Variants in NRG3 observed in about 807,000 individuals in gnomAD.
NRG3 encodes the protein pro-neuregulin-3, membrane-bound isoform.
Under a neutral mutation model 66.9 loss-of-function variants are expected in NRG3, and 31 were observed. That is an observed-to-expected ratio of 0.46 (90% confidence interval 0.35 to 0.63). The LOEUF is 0.63. Ranked by LOEUF, NRG3 falls within the 20% of genes least tolerant of loss-of-function variation. The pLI is 0.00. For synonymous variants in NRG3, 393 were observed against 359.4 expected, an observed-to-expected ratio of 1.09 and a Z score of -1.06; for missense variants, 910 against 878.9, an observed-to-expected ratio of 1.04 and a Z score of -0.45.
intron 1 of NRG3, among the ~76,000 whole-genome samples, chr10:82,007,826 TATC>T (rs1227372663): frequency 3.3e-5 from 5 of 152,204 alleles, no homozygotes; most frequent in African/African-American, 1.2e-4. Flanking sequence ...TTTCACCTGT[TATC>T]GTGAATGACA....
intron 2 of NRG3, among the ~76,000 whole-genome samples, chr10:82,587,803 C>A (rs2046759967): frequency 6.6e-6 from 1 of 152,096 alleles, no homozygotes; most frequent in Non-Finnish European, 1.5e-5. Flanking sequence ...TGGAAGCTGG[C>A]AGCAATACAT....
At chr10:82,878,296 T>G (rs1056297332) in intron 4 of NRG3, among the ~76,000 whole-genome samples, 1 of 152,266 alleles carries the variant, frequency 6.6e-6, no homozygotes, top group African/African-American at 2.4e-5. Flanking sequence ...AAGTATAATC[T>G]TATCTCTTGT....
intron 2 of NRG3, among the ~76,000 whole-genome samples, chr10:82,376,929 T>A (rs932681680): frequency 1.3e-5 from 2 of 152,222 alleles, no homozygotes; most frequent in Non-Finnish European, 2.9e-5. Context: ...ACTGCTTCTT[T>A]GGAATTGAAT....
chr10:82,044,427 T>C (rs922528911), intron 1 of NRG3, among the ~76,000 whole-genome samples: 1 of 151,608 alleles, frequency 6.6e-6, no homozygotes, highest in Non-Finnish European at 1.5e-5. Context: ...AACATGCACA[T>C]CTAAGGGATG....
At chr10:82,358,035 A>G (rs2083892484) in intron 1 of NRG3, among the ~76,000 whole-genome samples, 1 of 152,182 alleles carries the variant, frequency 6.6e-6, no homozygotes, top group African/African-American at 2.4e-5. Context: ...ATTTATTGTT[A>G]TTCTCATATT....
intron 1 of NRG3, among the ~76,000 whole-genome samples, chr10:82,152,518 T>C (rs1393193313): frequency 6.6e-6 from 1 of 152,104 alleles, no homozygotes; most frequent in African/African-American, 2.4e-5. Context: ...TTTCTTTTTT[T>C]TTGAAATGTG....
intron 2 of NRG3, among the ~76,000 whole-genome samples, chr10:82,608,095 A>T (rs1487974245): frequency 6.6e-6 from 1 of 152,142 alleles, no homozygotes; most frequent in East Asian, 1.9e-4. Context: ...CTTGCAAGGC[A>T]GGTCTACTAT....
At chr10:82,399,083 C>T (rs1383972849) in intron 2 of NRG3, among the ~76,000 whole-genome samples, 2 of 152,168 alleles carry the variant, frequency 1.3e-5, no homozygotes, top group African/African-American at 2.4e-5. Flanking sequence ...ATTCTTAGCA[C>T]AGTTATTCAT....
chr10:82,804,948 G>C (rs1397350642), intron 3 of NRG3, among the ~76,000 whole-genome samples: 2 of 152,176 alleles, frequency 1.3e-5, no homozygotes, highest in Non-Finnish European at 2.9e-5. Context: ...TATAAGAAAT[G>C]TACTACTGGG....
chr10:82,437,240 A>G (rs906738725), intron 2 of NRG3, among the ~76,000 whole-genome samples: 4 of 151,032 alleles, frequency 2.6e-5, no homozygotes, highest in African/African-American at 9.7e-5. Context: ...ATTCCTTTCC[A>G]TTCTTTTTTC....
intron 1 of NRG3, among the ~76,000 whole-genome samples, chr10:81,902,856 A>C (rs1181700911): frequency 1.3e-5 from 2 of 152,186 alleles, no homozygotes; most frequent in Non-Finnish European, 1.5e-5. Flanking sequence ...ATCTTCCTGA[A>C]GGAAACCAAT....
At chr10:82,766,588 C>T (rs2059521204) in intron 3 of NRG3, among the ~76,000 whole-genome samples, 2 of 152,058 alleles carry the variant, frequency 1.3e-5, no homozygotes, top group Non-Finnish European at 2.9e-5. Context: ...TTTCTCTTAT[C>T]CTTTCTGTGG....
At chr10:81,931,778 TACTC>T (rs1847373174) in intron 1 of NRG3, among the ~76,000 whole-genome samples, 2 of 152,202 alleles carry the variant, frequency 1.3e-5, no homozygotes, top group Non-Finnish European at 2.9e-5. Flanking sequence ...TTTCGGAAGA[TACTC>T]ACTCCCATTC....
At chr10:82,423,824 T>C (rs1394329262) in intron 2 of NRG3, among the ~76,000 whole-genome samples, 1 of 152,008 alleles carries the variant, frequency 6.6e-6, no homozygotes, top group African/African-American at 2.4e-5. Flanking sequence ...CCATTTTCCA[T>C]AACCTGACAA....
chr10:82,201,745 T>C (rs1425664567), intron 1 of NRG3, among the ~76,000 whole-genome samples: 1 of 152,270 alleles, frequency 6.6e-6, no homozygotes, highest in South Asian at 2.1e-4. Flanking sequence ...AGGGAAACCA[T>C]GTAACACCCA....
At chr10:82,093,855 C>T (rs991505018) in intron 1 of NRG3, among the ~76,000 whole-genome samples, 1 of 152,140 alleles carries the variant, frequency 6.6e-6, no homozygotes, top group East Asian at 1.9e-4. Flanking sequence ...TTTTTGGCAG[C>T]CACCACTGAC....
At chr10:82,439,232 T>C (rs2090309602) in intron 2 of NRG3, among the ~76,000 whole-genome samples, 2 of 152,180 alleles carry the variant, frequency 1.3e-5, no homozygotes, top group Non-Finnish European at 2.9e-5. Flanking sequence ...AAAATCAAGA[T>C]TTTGTTTGAA....
At chr10:82,482,039 C>T (rs557179201) in intron 2 of NRG3, among the ~76,000 whole-genome samples, 1 of 152,060 alleles carries the variant, frequency 6.6e-6, no homozygotes, top group East Asian at 1.9e-4. Context: ...TGTTTCGAAG[C>T]ACAGCTTAGC....
intron 1 of NRG3, among the ~76,000 whole-genome samples, chr10:82,006,715 T>C (rs560298564): frequency 3.5e-4 from 54 of 152,258 alleles, no homozygotes; most frequent in African/African-American, 1.3e-3. Flanking sequence ...GCTCAGACAT[T>C]TGTCATAGGC....
Sources: gnomAD v4.1 joint callset for allele counts (sites outside exome capture counted in the v4.1 genomes callset) on GRCh38, gnomAD v4.1.1 for gene constraint, MANE v1.5 for transcripts, NCBI Gene and HGNC (gene_info 2026-07-23, HGNC 2026-07-21) for gene names.